Variants in SYNE2 observed in about 807,000 individuals in gnomAD.
The protein encoded by SYNE2 is nesprin-2.
A neutral mutation model predicts 856.3 loss-of-function variants in SYNE2; 431 were observed. The observed-to-expected ratio is 0.50, with a 90% CI of 0.47 to 0.55. The LOEUF is 0.55. SYNE2 is among the 20% of genes least tolerant of loss of function. The pLI, the probability that SYNE2 is intolerant of heterozygous loss-of-function variation, is 0.00. For missense variants in SYNE2, 8,129 were observed against 8,023.2 expected, an observed-to-expected ratio of 1.01 and a Z score of -0.50; for synonymous variants, 2,923 against 2,872.3, an observed-to-expected ratio of 1.02 and a Z score of -0.56.
At chr14:63,949,356 G>A (rs1176469598) in intron 6 of SYNE2, among the ~76,000 whole-genome samples, 1 of 152,080 alleles carries the variant, frequency 6.6e-6, no homozygotes, top group Non-Finnish European at 1.5e-5. Context: ...GTTTTTCATA[G>A]ATTTAATGGC....
chr14:63,948,636 G>T (rs1336149433), intron 6 of SYNE2, among the ~76,000 whole-genome samples: 3 of 146,912 alleles, frequency 2.0e-5, no homozygotes, highest in Non-Finnish European at 3.0e-5. Flanking sequence ...CCTCCAGCGT[G>T]GGCGACGGAG....
In SYNE2 at chr14:64,128,239, T is replaced by C. The variant is rs965079423; in HGVS notation, c.13918-213T>C. Among the ~76,000 whole-genome samples, 3 of 152,122 alleles carry C rather than the reference T, an allele frequency of 2.0e-5. No individual in the cohort carries two copies. The East Asian group carries it at 5.8e-4, about 29-fold the overall frequency. On this transcript the variant is annotated intron_variant, in intron 73 of 115. Coordinates refer to ENST00000555002, the MANE Select transcript of SYNE2 (RefSeq NM_182914.3). ...ATAGCCTGAAGGAAAGGAGATTAGG[T>C]ACAGTTGAGAGCTGGAGGGAGGATG...
At chr14:64,183,974 GGGGGA>G (rs2098475391) in intron 96 of SYNE2, among the ~76,000 whole-genome samples, 1 of 141,018 alleles carries the variant, frequency 7.1e-6, no homozygotes, top group Non-Finnish European at 1.6e-5. Context: ...GGGGTGGGGA[GGGGGA>G]GGGGAGGGGG....
intron 1 of SYNE2, among the ~76,000 whole-genome samples, chr14:63,802,847 G>C (rs566299488): frequency 6.6e-6 from 1 of 151,982 alleles, no homozygotes; most frequent in Non-Finnish European, 1.5e-5. Flanking sequence ...GGAGTTGTTC[G>C]TTCCTCCTGG....
intron 2 of SYNE2, among the ~76,000 whole-genome samples, chr14:63,934,190 C>CT (rs1290066636): frequency 6.6e-6 from 1 of 152,110 alleles, no homozygotes; most frequent in African/African-American, 2.4e-5. Context: ...CTTTCCAAAT[C>CT]TTTTTTTCTG....
intron 90 of SYNE2, chr14:64,166,814 T>G (rs1210440142): frequency 4.2e-6 from 1 of 239,346 alleles, no homozygotes; most frequent in Non-Finnish European, 8.3e-6. Context: ...GCACTTGTAA[T>G]TCCACCTACT....
At chr14:63,880,306 G>T (rs2140600689) in intron 1 of SYNE2, among the ~76,000 whole-genome samples, 1 of 152,210 alleles carries the variant, frequency 6.6e-6, no homozygotes, top group Admixed American at 6.5e-5. Context: ...TGGCCAGGGT[G>T]GTCTTGAACT....
chr14:64,209,354 T>C, intron 101 of SYNE2, 74 bp from the exon 102 acceptor site: 1 of 1,612,104 alleles, frequency 6.2e-7, no homozygotes, highest in Non-Finnish European at 8.5e-7. Context: ...CGTGCGGGTG[T>C]CAGGGGATAA....
chr14:64,160,298 C>T (rs188101033), intron 87 of SYNE2, among the ~76,000 whole-genome samples: 4 of 152,272 alleles, frequency 2.6e-5, no homozygotes, highest in East Asian at 1.9e-4. Context: ...TTACGCTGCA[C>T]GTACACATTC....
chr14:63,876,984 C>T (rs2094739439), intron 1 of SYNE2, among the ~76,000 whole-genome samples: 1 of 152,110 alleles, frequency 6.6e-6, no homozygotes, highest in Non-Finnish European at 1.5e-5. Flanking sequence ...CAGAAATAGA[C>T]CAATTGAGAC....
intron 64 of SYNE2, among the ~76,000 whole-genome samples, chr14:64,105,840 G>A (rs143859137): frequency 5.7e-4 from 86 of 151,836 alleles, no homozygotes; most frequent in African/African-American, 1.9e-3. Context: ...TGGGCGGACA[G>A]CTTGAGCTCA....
At chr14:64,129,500 T>C (rs1372681883) in intron 74 of SYNE2, among the ~76,000 whole-genome samples, 2 of 152,150 alleles carry the variant, frequency 1.3e-5, no homozygotes, top group Non-Finnish European at 2.9e-5. Context: ...GAAGAGATGC[T>C]GAAGAGCTGG....
intron 1 of SYNE2, among the ~76,000 whole-genome samples, chr14:63,784,209 T>G (rs912895933): frequency 1.3e-5 from 2 of 152,090 alleles, no homozygotes; most frequent in Non-Finnish European, 2.9e-5. Context: ...TGTAATTTTT[T>G]GGGCCAGGTG....
At chr14:64,060,827 C>T (rs1413251697) in intron 49 of SYNE2, among the ~76,000 whole-genome samples, 1 of 152,190 alleles carries the variant, frequency 6.6e-6, no homozygotes, top group African/African-American at 2.4e-5. Flanking sequence ...GTTTCAACCA[C>T]TGGGATGGGC....
chr14:64,007,043 G>GA lies in SYNE2; in HGVS notation c.4404dup (p.Ser1469IlefsTer7). 2 of 1,611,792 alleles carry GA rather than the reference G, an allele frequency of 1.2e-6. No individual in the cohort carries two copies. The highest frequency in any genetic ancestry group is 1.7e-6 in the Non-Finnish European group (2 of 1,178,666). ...AACTTTTTTCTCATTCATAATCAAG[G>GA]AAAAAATCATTAATCAGACTGGATA... On this transcript the variant is annotated frameshift_variant and splice_region_variant, in exon 31 of 116. Transcript: ENST00000555002. LOFTEE classifies it high-confidence loss of function.
At chr14:64,162,639 A>C (rs935233880) in intron 88 of SYNE2, 1 of 336,428 alleles carries the variant, frequency 3.0e-6, no homozygotes, top group Non-Finnish European at 5.8e-6. Context: ...TTTTAGCAGT[A>C]ATCATGGACT....
intron 1 of SYNE2, among the ~76,000 whole-genome samples, chr14:63,798,056 T>C (rs771283232): frequency 1.4e-4 from 22 of 152,208 alleles, no homozygotes; most frequent in Non-Finnish European, 2.6e-4. Context: ...CCTCTTTTCT[T>C]GCATCTATAT....
chr14:63,932,938 C>T (rs149841735), intron 2 of SYNE2, among the ~76,000 whole-genome samples: 2 of 152,176 alleles, frequency 1.3e-5, no homozygotes, highest in African/African-American at 2.4e-5. Context: ...GTAGAGAAGT[C>T]GTGGAGCCAA....
At chr14:64,023,895 T>G in intron 38 of SYNE2, 1 of 283,812 alleles carries the variant, frequency 3.5e-6, no homozygotes. Flanking sequence ...CCTTAACAAT[T>G]GATGCCCAAA....
Sources: allele counts gnomAD v4.1 joint callset (sites outside exome capture counted in the v4.1 genomes callset), GRCh38; gene constraint gnomAD v4.1.1; transcripts MANE v1.5; gene names NCBI Gene and HGNC (gene_info 2026-07-23, HGNC 2026-07-21).